Variants in LRRC63 observed in about 807,000 individuals in gnomAD.
LRRC63 encodes the protein leucine-rich repeat-containing protein 63.
Under a neutral mutation model 49.5 loss-of-function variants are expected in LRRC63, and 40 were observed. That is an observed-to-expected ratio of 0.81 (90% CI 0.63 to 1.05). The LOEUF (loss-of-function observed/expected upper bound fraction) is 1.05. Ranked by LOEUF, LRRC63 falls within the 50% of genes least tolerant of loss-of-function variation. The probability of loss-of-function intolerance (pLI) is 0.00; values close to 1 mark genes in which losing one functional copy is unlikely to be tolerated. For missense variants in LRRC63, 636 were observed against 663.1 expected (o/e 0.96, Z 0.45); for synonymous variants, 191 against 221.1 (o/e 0.86, Z 1.21).
chr13:46,246,408 T>A, intron 5 of LRRC63, 119 bp from the exon 6 acceptor site: 1 of 458,966 alleles, frequency 2.2e-6, no homozygotes. Context: ...TATAGGCTTG[T>A]TAGTATATTG....
chr13:46,226,855 C>G (rs1046971759), intron 2 of LRRC63, among the ~76,000 whole-genome samples: 1 of 152,190 alleles, frequency 6.6e-6, no homozygotes, highest in Non-Finnish European at 1.5e-5. Context: ...AGATCCTCAT[C>G]ATTTATTGCA....
exon 10 of LRRC63, chr13:46,276,625 T>G (rs1211129850): frequency 8.1e-7 from 1 of 1,230,872 alleles, no homozygotes; most frequent in African/African-American, 1.6e-5. Context: ...GGTCCCAAGT[T>G]TGGTGAAGGT....
chr13:46,272,384 A>G (rs1383445523), intron 9 of LRRC63, among the ~76,000 whole-genome samples: 1 of 152,254 alleles, frequency 6.6e-6, no homozygotes, highest in Non-Finnish European at 1.5e-5. Context: ...GGTGATAAAC[A>G]TGAAGAATGT....
intron 9 of LRRC63, among the ~76,000 whole-genome samples, chr13:46,268,592 A>T (rs2047713109): frequency 6.6e-6 from 1 of 151,842 alleles, no homozygotes; most frequent in Admixed American, 6.5e-5. Flanking sequence ...ACAGTGGACC[A>T]GTGACTGAAA....
intron 2 of LRRC63, among the ~76,000 whole-genome samples, chr13:46,221,743 C>A (rs2046412463): frequency 6.6e-6 from 1 of 151,732 alleles, no homozygotes. Context: ...AGAGGTTAAC[C>A]CATTGCTACT....
In LRRC63 at chr13:46,271,227, A is replaced by G. The variant is rs60681103; in HGVS notation, c.1550+4255A>G. 4.1e-3 allele frequency among the ~76,000 whole-genome samples: 619 copies of G among 152,334 alleles called. 12 individuals are homozygous for G. The East Asian group carries it at 0.046, about 11-fold the overall frequency. ...CCCATGTAAACCAAGGGCTAACTGT[A>G]CTACATTTTAACCTACTTCTGTTTG... On this transcript the variant is annotated intron_variant, in intron 9 of 9. Coordinates refer to ENST00000595396, the Ensembl canonical transcript of LRRC63.
chr13:46,266,138 G>A (rs1162251713), intron 8 of LRRC63, among the ~76,000 whole-genome samples: 1 of 152,048 alleles, frequency 6.6e-6, no homozygotes, highest in Non-Finnish European at 1.5e-5. Context: ...TCTGCTTCTA[G>A]GACTAATTAG....
chr13:46,258,545 C>T (rs1208966530), intron 7 of LRRC63, among the ~76,000 whole-genome samples: 9 of 150,814 alleles, frequency 6.0e-5, no homozygotes, highest in Admixed American at 4.0e-4. Flanking sequence ...CATGGTGGCT[C>T]ACGCCTGTAA....
At chr13:46,264,477 G>A (rs74069618) in intron 8 of LRRC63, among the ~76,000 whole-genome samples, 17,224 of 151,760 alleles carry the variant, frequency 0.11, 1,854 homozygotes, top group African/African-American at 0.28. Flanking sequence ...CTTCTACTTC[G>A]TCTTTGCCTC....
chr13:46,240,434 C>T (rs2047029260), intron 5 of LRRC63, among the ~76,000 whole-genome samples: 1 of 151,940 alleles, frequency 6.6e-6, no homozygotes, highest in African/African-American at 2.4e-5. Context: ...GCCAAGGATG[C>T]CCTCTCTCAA....
intron 6 of LRRC63, among the ~76,000 whole-genome samples, chr13:46,248,386 A>G (rs765922918): frequency 9.9e-5 from 15 of 152,020 alleles, no homozygotes; most frequent in Non-Finnish European, 1.9e-4. Context: ...CGCTGTCTGC[A>G]GGAAACACAC....
At position 46,216,893 on chromosome 13, in the gene LRRC63, G is replaced by C. The variant is rs536509252; in HGVS notation, c.85+3774G>C. Among the ~76,000 whole-genome samples, 6 of 152,330 alleles carry C rather than the reference G, an allele frequency of 3.9e-5. No individual in the cohort carries two copies. The East Asian group carries it at 1.2e-3, about 29-fold the overall frequency. ...TTTTTGTCATTGGTTCTGTTTATGT[G>C]ATGGATTATGTTTATTGATTTGATT... On this transcript the variant is annotated intron_variant, in intron 2 of 9. Transcript: ENST00000595396.
At chr13:46,244,022 A>G (rs2047142345) in intron 5 of LRRC63, among the ~76,000 whole-genome samples, 1 of 152,176 alleles carries the variant, frequency 6.6e-6, no homozygotes, top group Non-Finnish European at 1.5e-5. Context: ...AAATTATACC[A>G]AATAGAAACC....
chr13:46,251,720 TAC>T (rs1479230668), intron 7 of LRRC63, among the ~76,000 whole-genome samples: 2 of 151,890 alleles, frequency 1.3e-5, no homozygotes, highest in African/African-American at 4.8e-5. Context: ...ATTACATATA[TAC>T]ACACACAGAA....
At chr13:46,228,769 G>A in intron 4 of LRRC63, 36 bp downstream of exon 4, 2 of 1,360,148 alleles carry the variant, frequency 1.5e-6, no homozygotes, top group Non-Finnish European at 2.0e-6. Context: ...TTTAGAAAAT[G>A]TATGTAAGAT....
In LRRC63 at chr13:46,228,203, G is replaced by T; in HGVS notation, c.763+14G>T. 1 of 1,513,510 alleles carries T rather than the reference G, an allele frequency of 6.6e-7. No individual in the cohort carries two copies. The highest frequency in any genetic ancestry group is 1.3e-5 in the South Asian group (1 of 79,308). The allele number at this position is 1,513,510 out of a possible 1,614,324, so 93.8% of individuals were successfully genotyped here. On this transcript the variant is annotated intron_variant, in intron 3 of 9. Coordinates refer to ENST00000595396, the Ensembl canonical transcript of LRRC63. ...AGTCTGTGATAGGTAAATACAATCT[G>T]AACACGGTATAATTATAGAGTCAAG...
At chr13:46,228,766 AATGT>A in intron 4 of LRRC63, 33 bp downstream of exon 4, 1 of 1,374,014 alleles carries the variant, frequency 7.3e-7, no homozygotes. Context: ...TCTTTTAGAA[AATGT>A]ATGTAAGATT....
chr13:46,251,567 G>A (rs920353301), intron 7 of LRRC63, among the ~76,000 whole-genome samples: 1 of 151,640 alleles, frequency 6.6e-6, no homozygotes, highest in African/African-American at 2.4e-5. Context: ...CCAAGATCTG[G>A]GTGTTGGGTA....
intron 8 of LRRC63, among the ~76,000 whole-genome samples, chr13:46,262,560 G>A (rs1034580016): frequency 6.6e-6 from 1 of 152,094 alleles, no homozygotes; most frequent in Non-Finnish European, 1.5e-5. Flanking sequence ...TAATCACAGA[G>A]TTAGAATTTT....
Sources: allele counts gnomAD v4.1 joint callset (sites outside exome capture counted in the v4.1 genomes callset), GRCh38; gene constraint gnomAD v4.1.1; transcripts MANE v1.5; gene names NCBI Gene and HGNC (gene_info 2026-07-23, HGNC 2026-07-21).